MAP3K13: variants seen among roughly 807,000 people sequenced by gnomAD.
MAP3K13 encodes leucine zipper-bearing kinase.
In MAP3K13, 52 loss-of-function variants were observed where a neutral mutation model predicts 104.0. The observed-to-expected ratio is 0.50, with a 90% CI of 0.40 to 0.63. The LOEUF (loss-of-function observed/expected upper bound fraction) is 0.63. MAP3K13 is among the 20% of genes least tolerant of loss of function. The pLI is 0.00. For missense variants in MAP3K13, 914 were observed against 1,218.5 expected (o/e 0.75, Z 3.72); for synonymous variants, 394 against 442.2 (o/e 0.89, Z 1.37).
chr3:185,435,309 C>A (rs1355826262), intron 2 of MAP3K13, among the ~76,000 whole-genome samples: 3 of 152,090 alleles, frequency 2.0e-5, no homozygotes, highest in Non-Finnish European at 2.9e-5. Flanking sequence ...CCACGCCTGG[C>A]CAATGATACT....
At chr3:185,314,832 G>T (rs1721618935) in intron 2 of MAP3K13, among the ~76,000 whole-genome samples, 2 of 151,950 alleles carry the variant, frequency 1.3e-5, no homozygotes, top group Non-Finnish European at 2.9e-5. Context: ...TAGAGATGGG[G>T]GTCTCATCTT....
intron 1 of MAP3K13, among the ~76,000 whole-genome samples, chr3:185,384,765 A>G (rs1711585480): frequency 6.6e-6 from 1 of 152,136 alleles, no homozygotes; most frequent in African/African-American, 2.4e-5. Context: ...AGAAATGTCT[A>G]TTCAGATCCC....
chr3:185,338,889 A>C (rs1324378746), intron 2 of MAP3K13, among the ~76,000 whole-genome samples: 2 of 152,222 alleles, frequency 1.3e-5, no homozygotes, highest in African/African-American at 2.4e-5. Flanking sequence ...GCCTGTTTAA[A>C]GCAAAAATAA....
At chr3:185,401,058 A>C (rs1275271970) in intron 1 of MAP3K13, among the ~76,000 whole-genome samples, 2 of 152,140 alleles carry the variant, frequency 1.3e-5, no homozygotes, top group African/African-American at 2.4e-5. Flanking sequence ...GGGGCTCTGC[A>C]GGTTTATACA....
chr3:185,433,194 A>C (rs1387579308), intron 2 of MAP3K13, among the ~76,000 whole-genome samples: 1 of 152,236 alleles, frequency 6.6e-6, no homozygotes, highest in Non-Finnish European at 1.5e-5. Flanking sequence ...AAGTACTGTC[A>C]TGGCCATGTC....
chr3:185,302,678 G>T (rs1394021211), intron 2 of MAP3K13, among the ~76,000 whole-genome samples: 2 of 151,950 alleles, frequency 1.3e-5, no homozygotes, highest in East Asian at 3.9e-4. Context: ...TTTGTGTTTT[G>T]TATTCTGAAT....
chr3:185,455,574 A>ACATATATAT lies in MAP3K13; in HGVS notation c.1278+4180_1278+4188dup, dbSNP rs1491407755. On this transcript the variant is annotated intron_variant, in intron 7 of 13. Transcript: ENST00000265026. The stretch of plus-strand genomic sequence containing the variant: ...ATATGATATATATGAGATATATATG[A>ACATATATAT]CATATATATGATATATATGAGATAT... Among the ~76,000 whole-genome samples the ACATATATAT allele has an allele frequency of 5.6e-3, 33 of 5,894 alleles. 5 individuals are homozygous for ACATATATAT. Among genetic ancestry groups the ACATATATAT allele is most frequent in the African/African-American group, 6.3e-3 (17 of 2,720 alleles). The allele number at this position is 5,894 out of a possible 152,430, so 3.9% of individuals were successfully genotyped here.
intron 1 of MAP3K13, among the ~76,000 whole-genome samples, chr3:185,413,330 T>C (rs1400538921): frequency 6.6e-6 from 1 of 152,218 alleles, no homozygotes; most frequent in East Asian, 1.9e-4. Flanking sequence ...CAATGGAACT[T>C]CCTGTAATGA....
chr3:185,398,495 G>A (rs981781211), intron 1 of MAP3K13, among the ~76,000 whole-genome samples: 9 of 152,054 alleles, frequency 5.9e-5, no homozygotes, highest in African/African-American at 2.4e-5. Context: ...AACTAATTGC[G>A]TTTGTGGCTA....
intron 1 of MAP3K13, among the ~76,000 whole-genome samples, chr3:185,372,212 A>G (rs1020592506): frequency 2.0e-5 from 3 of 152,236 alleles, no homozygotes; most frequent in Non-Finnish European, 2.9e-5. Context: ...TTTGCTAAGC[A>G]TAGAAACTGC....
At position 185,488,732 on chromosome 3, in the gene MAP3K13, A is replaced by T. The variant is rs2148936898; in HGVS notation, c.*6276A>T. 1 of 152,418 alleles carries T rather than the reference A, an allele frequency of 6.6e-6. No homozygotes were observed. The highest frequency in any genetic ancestry group is 3.4e-3 in the Middle Eastern group (1 of 294). The allele number at this position is 152,418 out of a possible 1,614,324, so 9.4% of individuals were successfully genotyped here. On this transcript the variant is annotated 3_prime_UTR_variant, in exon 14 of 14. Coordinates refer to ENST00000265026, the MANE Select transcript of MAP3K13 (RefSeq NM_004721.5). ...AGGGTCCTCCAGTGACTGCAGGCCA[A>T]GGGAACCCCAGCCAGCATGTGCAAG...
At chr3:185,328,977 T>TA (rs1553788837) in intron 2 of MAP3K13, 501 of 437,726 alleles carry the variant, frequency 1.1e-3, no homozygotes, top group East Asian at 1.5e-3. Flanking sequence ...GTAGTTTTTT[T>TA]TAAAAAAAAC....
intron 1 of MAP3K13, among the ~76,000 whole-genome samples, chr3:185,369,926 A>G (rs1252680320): frequency 6.6e-6 from 1 of 152,232 alleles, no homozygotes; most frequent in Non-Finnish European, 1.5e-5. Flanking sequence ...CTAAGACTGT[A>G]GGAGTCTATG....
At chr3:185,297,786 C>T (rs1046370677) in intron 2 of MAP3K13, among the ~76,000 whole-genome samples, 1 of 151,520 alleles carries the variant, frequency 6.6e-6, no homozygotes, top group African/African-American at 2.4e-5. Flanking sequence ...CTTATGTAGT[C>T]ACAACTAAAC....
chr3:185,454,335 G>GATATATATCAT (rs1369253148), intron 7 of MAP3K13, among the ~76,000 whole-genome samples: 1 of 75,962 alleles, frequency 1.3e-5, no homozygotes, highest in African/African-American at 5.1e-5. Flanking sequence ...AGATATATAT[G>GATATATATCAT]ATATATATGA....
At chr3:185,391,866 A>G (rs1712073080) in intron 1 of MAP3K13, among the ~76,000 whole-genome samples, 1 of 152,106 alleles carries the variant, frequency 6.6e-6, no homozygotes, top group African/African-American at 2.4e-5. Flanking sequence ...TAAAATAAAA[A>G]CCTAAATAAA....
rs1015827780 is a variant in MAP3K13, at chr3:185,423,743, A to C, written c.-85-4754A>C. The stretch of plus-strand genomic sequence containing the variant: ...TTGTTAGGAGGGAAGAATCACCTGC[A>C]CTGTATCGTAAGCTTTCAGAGCCCA... On this transcript the variant is annotated intron_variant, in intron 1 of 13. Coordinates refer to ENST00000265026, the MANE Select transcript of MAP3K13 (RefSeq NM_004721.5). This position sits in a 1 kb window ranked among gnomAD's most constrained non-coding sequence, Gnocchi z 4.1. Among the ~76,000 whole-genome samples the C allele has an allele frequency of 1.3e-5, 2 of 152,184 alleles. No homozygotes were observed. The highest frequency in any genetic ancestry group is 4.8e-5 in the African/African-American group (2 of 41,442).
intron 1 of MAP3K13, among the ~76,000 whole-genome samples, chr3:185,366,664 G>A (rs1723903776): frequency 6.6e-6 from 1 of 152,040 alleles, no homozygotes; most frequent in South Asian, 2.1e-4. Context: ...TTGTGGTTTT[G>A]GTTTATATTT....
Position 185,450,014 on chromosome 3 carries a change from T to C in MAP3K13, c.1125T>C (p.Pro375=). Residue 375 remains proline (P), a synonymous_variant, in exon 6 of 14, where the codon CCT becomes CCC. Transcript: ENST00000265026. The surrounding 1 kb of genome is among the most constrained non-coding windows in gnomAD (Gnocchi z 4.2). Reference sequence around the variant, plus strand: ...GCAACAGCCTCCACCTTCCAGTTCCTTCCACTTGCCCTGATGGATTCAAAA... The same window carrying C: ...GCAACAGCCTCCACCTTCCAGTTCCCTCCACTTGCCCTGATGGATTCAAAA... ...VGSNSLHLPV[P]STCPDGFKIL... The C allele has an allele frequency of 6.2e-7, 1 of 1,613,508 alleles. No individual in the cohort carries two copies. Among genetic ancestry groups the C allele is most frequent in the Non-Finnish European group, 8.5e-7 (1 of 1,179,770 alleles).
Sources: gnomAD v4.1 joint callset for allele counts (sites outside exome capture counted in the v4.1 genomes callset) on GRCh38, gnomAD v4.1.1 for gene constraint, Gnocchi (gnomAD v3.1) non-coding constraint, MANE v1.5 for transcripts, NCBI Gene and HGNC (gene_info 2026-07-23, HGNC 2026-07-21) for gene names.